The following RSRC1 variants were observed in gnomAD, a reference collection of about 807,000 sequenced individuals.
The protein encoded by RSRC1 is arginine and serine rich coiled-coil 1.
A neutral mutation model predicts 49.1 loss-of-function variants in RSRC1; 39 were observed. That is an observed-to-expected ratio of 0.79 (90% CI 0.61 to 1.04). The LOEUF is 1.04. Ranked by LOEUF, RSRC1 falls within the 50% of genes least tolerant of loss-of-function variation. The pLI is 0.00. For synonymous variants in RSRC1, 143 were observed against 130.8 expected (o/e 1.09, Z -0.63); for missense variants, 388 against 402.4 (o/e 0.96, Z 0.31).
At chr3:158,347,653 C>T (rs1730627846) in intron 5 of RSRC1, among the ~76,000 whole-genome samples, 1 of 152,016 alleles carries the variant, frequency 6.6e-6, no homozygotes, top group Non-Finnish European at 1.5e-5. Context: ...TCAAATAATC[C>T]TCCCGCCTCT....
chr3:158,471,256 G>A (rs1337299819), intron 7 of RSRC1, among the ~76,000 whole-genome samples: 1 of 152,196 alleles, frequency 6.6e-6, no homozygotes, highest in African/African-American at 2.4e-5. Flanking sequence ...ACTGCAGGCA[G>A]AAACAGAGTG....
chr3:158,142,264 G>A (rs1716796295), intron 3 of RSRC1, among the ~76,000 whole-genome samples: 1 of 151,882 alleles, frequency 6.6e-6, no homozygotes, highest in South Asian at 2.1e-4. Flanking sequence ...TTTTCTAATT[G>A]TTGATCTTTG....
chr3:158,410,730 T>C (rs1288110040), intron 6 of RSRC1, among the ~76,000 whole-genome samples: 1 of 152,116 alleles, frequency 6.6e-6, no homozygotes, highest in East Asian at 1.9e-4. Flanking sequence ...GCCCTTAGGA[T>C]TTTTTTCTGA....
intron 5 of RSRC1, among the ~76,000 whole-genome samples, chr3:158,330,441 G>A (rs1329142697): frequency 6.6e-6 from 1 of 152,132 alleles, no homozygotes; most frequent in Admixed American, 6.6e-5. Context: ...AAAATCCTAT[G>A]TCAAAGGGTA....
chr3:158,117,329 T>C (rs898734130), intron 1 of RSRC1, among the ~76,000 whole-genome samples: 24 of 152,204 alleles, frequency 1.6e-4, no homozygotes, highest in African/African-American at 5.8e-4. Flanking sequence ...CAAGGACTTA[T>C]TCTGTCACCC....
At chr3:158,495,281 TTTTG>T (rs546429980) in intron 7 of RSRC1, among the ~76,000 whole-genome samples, 70 of 152,202 alleles carry the variant, frequency 4.6e-4, no homozygotes, top group African/African-American at 1.3e-3. Flanking sequence ...TTTTTGGGTT[TTTTG>T]TTTGTTTGTT....
intron 6 of RSRC1, among the ~76,000 whole-genome samples, chr3:158,417,340 A>G (rs889556026): frequency 6.6e-6 from 1 of 152,030 alleles, no homozygotes; most frequent in African/African-American, 2.4e-5. Flanking sequence ...TTCTGACAGC[A>G]TTTTATTTAT....
At position 158,169,324 on chromosome 3, in the gene RSRC1, C is replaced by T. The variant is rs549530216; in HGVS notation, c.321-33748C>T. Among the ~76,000 whole-genome samples, 4 of 152,200 alleles carry T rather than the reference C, an allele frequency of 2.6e-5. No individual in the cohort carries two copies. The East Asian group carries it at 5.8e-4, about 22-fold the overall frequency. On this transcript the variant is annotated intron_variant, in intron 3 of 9. Transcript: ENST00000611884. The stretch of plus-strand genomic sequence containing the variant: ...CTGAATTGTGCATATGCATGTTTCT[C>T]CTTTCACAAATATTAATGACTCCTG...
At chr3:158,400,587 A>G (rs1272966676) in intron 6 of RSRC1, among the ~76,000 whole-genome samples, 1 of 152,030 alleles carries the variant, frequency 6.6e-6, no homozygotes, top group Non-Finnish European at 1.5e-5. Context: ...TGATCTTGAC[A>G]CTGTGTAGGC....
At chr3:158,371,171 A>G (rs1324696506) in intron 6 of RSRC1, among the ~76,000 whole-genome samples, 5 of 151,892 alleles carry the variant, frequency 3.3e-5, no homozygotes, top group Non-Finnish European at 7.4e-5. Flanking sequence ...CTAAATACAA[A>G]TCAGTTATAT....
At chr3:158,147,275 C>G (rs1343753913) in intron 3 of RSRC1, among the ~76,000 whole-genome samples, 5 of 151,980 alleles carry the variant, frequency 3.3e-5, no homozygotes, top group Admixed American at 1.3e-4. Flanking sequence ...GCATCTTGCT[C>G]TGTCACCCAG....
chr3:158,537,272 C>G (rs934154645), intron 8 of RSRC1, 74 bp downstream of exon 8: 1 of 859,592 alleles, frequency 1.2e-6, no homozygotes, highest in Non-Finnish European at 1.7e-6. Context: ...ATGGATTTTA[C>G]TTAAATGTGT....
rs1553814781 is a variant in RSRC1, at chr3:158,487,949, G to GGAAAAAAAAAAAA, written c.652+26946_652+26947insGAAAAAAAAAAAA. Among the ~76,000 whole-genome samples the GGAAAAAAAAAAAA allele has an allele frequency of 4.2e-3, 121 of 28,902 alleles. 12 individuals are homozygous for GGAAAAAAAAAAAA. Among genetic ancestry groups the GGAAAAAAAAAAAA allele is most frequent in the African/African-American group, 0.011 (82 of 7,470 alleles). 19.0% of individuals were successfully genotyped at this position (28,902 alleles called of 152,430 possible). On this transcript the variant is annotated intron_variant, in intron 7 of 9. Transcript: ENST00000611884. ...TAGGAGACAAGAGACTCCATCTCAA[G>GGAAAAAAAAAAAA]AAAAAAAAAAAAAAAAAAAAAAAAA...
At chr3:158,263,326 T>C (rs1175096384) in intron 4 of RSRC1, among the ~76,000 whole-genome samples, 1 of 152,140 alleles carries the variant, frequency 6.6e-6, no homozygotes, top group East Asian at 1.9e-4. Flanking sequence ...GGAACTACAT[T>C]GATTGAGTTT....
At chr3:158,110,425 G>A (rs1714295717) in intron 1 of RSRC1, 1 of 152,714 alleles carries the variant, frequency 6.5e-6, no homozygotes, top group African/African-American at 2.4e-5. Context: ...TTGGGTCAAG[G>A]CTGGTGGCTG....
At position 158,260,378 on chromosome 3, in the gene RSRC1, G is replaced by A. The variant is rs370962140; in HGVS notation, c.495-37661G>A. Among the ~76,000 whole-genome samples, 8 of 152,248 alleles carry A rather than the reference G, an allele frequency of 5.3e-5. No homozygotes were observed. In the South Asian group the frequency reaches 8.3e-4, roughly 16 times the overall value. On this transcript the variant is annotated intron_variant, in intron 4 of 9. Coordinates refer to ENST00000611884, the MANE Select transcript of RSRC1 (RefSeq NM_001271838.2). ...ATCTGTGAGCTATGGCCTGGAATGG[G>A]GGCCTCAGGATTCTGCCTGGTGGCC... is the stretch of plus-strand genomic sequence containing the variant.
Position 158,311,915 on chromosome 3 carries a change from A to G in RSRC1, c.531+13840A>G, listed in dbSNP as rs142972982. Among the ~76,000 whole-genome samples the G allele has an allele frequency of 4.9e-4, 74 of 152,180 alleles. No homozygotes were observed. The East Asian group carries it at 0.01, about 21-fold the overall frequency. On this transcript the variant is annotated intron_variant, in intron 5 of 9. Coordinates refer to ENST00000611884, the MANE Select transcript of RSRC1 (RefSeq NM_001271838.2). ...GTGGGGAAATTTTTTTCTTTAAAAG[A>G]TAGTTAAGCTTCAGAGAATTGACCA...
chr3:158,315,983 C>A (rs910933085), intron 5 of RSRC1, among the ~76,000 whole-genome samples: 60 of 151,902 alleles, frequency 3.9e-4, no homozygotes, highest in African/African-American at 1.4e-3. Flanking sequence ...ACCAGCCTGG[C>A]CAACATGGTG....
At chr3:158,523,551 A>G (rs1263081990) in intron 7 of RSRC1, among the ~76,000 whole-genome samples, 2 of 152,062 alleles carry the variant, frequency 1.3e-5, no homozygotes, top group Non-Finnish European at 2.9e-5. Flanking sequence ...AAGCAATGAT[A>G]CCAGCCATTT....
Sources: gnomAD v4.1 joint callset for allele counts (sites outside exome capture counted in the v4.1 genomes callset) on GRCh38, gnomAD v4.1.1 for gene constraint, MANE v1.5 for transcripts, NCBI Gene and HGNC (gene_info 2026-07-23, HGNC 2026-07-21) for gene names.